Variants in RAB3GAP1 observed in about 807,000 individuals in gnomAD.
The protein encoded by RAB3GAP1 is rab3 GTPase-activating protein catalytic subunit.
A neutral mutation model predicts 130.7 loss-of-function variants in RAB3GAP1; 86 were observed. The observed-to-expected ratio is 0.66, with a 90% CI of 0.55 to 0.79. RAB3GAP1 has a LOEUF of 0.79. RAB3GAP1 is among the 30% of genes least tolerant of loss of function. RAB3GAP1 has a pLI of 0.00. For synonymous variants in RAB3GAP1, 367 were observed against 401.7 expected (o/e 0.91, Z 1.03); for missense variants, 1,029 against 1,169.4 (o/e 0.88, Z 1.75).
intron 5 of RAB3GAP1, among the ~76,000 whole-genome samples, chr2:135,112,593 C>G (rs1301643667): frequency 6.6e-6 from 1 of 152,182 alleles, no homozygotes; most frequent in Non-Finnish European, 1.5e-5. Context: ...CCACCAGACA[C>G]TTCTCCCACC....
intron 3 of RAB3GAP1, among the ~76,000 whole-genome samples, chr2:135,067,609 T>G (rs1689358023): frequency 6.6e-6 from 1 of 152,248 alleles, no homozygotes; most frequent in African/African-American, 2.4e-5. Context: ...ATGAAGAGTA[T>G]GCACTTCAAA....
intron 3 of RAB3GAP1, among the ~76,000 whole-genome samples, chr2:135,064,906 C>T (rs1359961221): frequency 6.7e-6 from 1 of 149,106 alleles, no homozygotes; most frequent in African/African-American, 2.5e-5. Context: ...TTGTGTTCCT[C>T]TGAAGAGTAT....
intron 3 of RAB3GAP1, among the ~76,000 whole-genome samples, chr2:135,062,034 C>CT (rs577968391): frequency 3.8e-4 from 57 of 148,500 alleles, no homozygotes; most frequent in East Asian, 1.4e-3. Flanking sequence ...TTGTCTTTTT[C>CT]TTTTTTTTTT....
intron 2 of RAB3GAP1, among the ~76,000 whole-genome samples, chr2:135,054,453 C>T (rs531076606): frequency 6.6e-6 from 1 of 152,124 alleles, no homozygotes; most frequent in Non-Finnish European, 1.5e-5. Flanking sequence ...ACAAAGGGAA[C>T]CTAGAAGGGA....
At position 135,130,694 on chromosome 2, in the gene RAB3GAP1, T is replaced by G; in HGVS notation, c.1209T>G (p.Asn403Lys). ...KHRGVEESPL[N>K]NDVLNTILLF... ...GAGGTGTAGAGGAGTCACCGCTAAA[T>G]AATGATGTTCTTAATACTATTCTCC... is the stretch of plus-strand genomic sequence containing the variant. Residue 403 changes from asparagine to lysine, a missense_variant, in exon 13 of 24, where the codon AAT becomes AAG. By Grantham distance (94) the Asn-to-Lys change is moderately conservative. Around this residue, in one of 3 missense-constraint regions of RAB3GAP1, gnomAD observed 510 missense variants for 532.1 expected, o/e 0.96. Transcript: ENST00000264158. 1 of 1,613,640 alleles carries G rather than the reference T, an allele frequency of 6.2e-7. No individual in the cohort carries two copies.
rs1043765214 is a variant in RAB3GAP1 at position 135,105,101 on chromosome 2, C to G, written c.363-8050C>G. Among the ~76,000 whole-genome samples the G allele has an allele frequency of 1.6e-4, 24 of 152,128 alleles. 1 individual carries two copies. The highest frequency in any genetic ancestry group is 5.3e-4 in the African/African-American group (22 of 41,434). ...ACTTCTGAGATCTGTGGGTCAGTGTCAAGTGTTCCAAAGCATGCATGTAAT... is the reference window on the plus strand; with the variant it reads ...ACTTCTGAGATCTGTGGGTCAGTGTGAAGTGTTCCAAAGCATGCATGTAAT... On this transcript the variant is annotated intron_variant, in intron 5 of 23. Coordinates refer to ENST00000264158, the MANE Select transcript of RAB3GAP1 (RefSeq NM_012233.3).
chr2:135,061,355 C>G (rs1474508589), intron 3 of RAB3GAP1, among the ~76,000 whole-genome samples: 1 of 152,114 alleles, frequency 6.6e-6, no homozygotes, highest in African/African-American at 2.4e-5. Context: ...TAAGAAACAG[C>G]TAGAGCTTTT....
chr2:135,153,687 G>A lies in RAB3GAP1; in HGVS notation c.2100G>A (p.Arg700=). 6.2e-7 allele frequency: 1 copy of A among 1,614,012 alleles called. No individual in the cohort carries two copies. The highest frequency in any genetic ancestry group is 8.5e-7 in the Non-Finnish European group (1 of 1,179,932). ...NPGCSLEDFV[R]WYSPRDYIEE... ...GTTGCTCCCTGGAAGATTTTGTGAG[G>A]TGGTATTCACCCCGGGATTATATTG... Residue 700 remains arginine (R), a synonymous_variant, in exon 19 of 24, where the codon AGG becomes AGA. Transcript: ENST00000264158.
At position 135,153,707 on chromosome 2, in the gene RAB3GAP1, A is replaced by T. The variant is rs1220889233; in HGVS notation, c.2120A>T (p.Tyr707Phe). 1.9e-6 allele frequency: 3 copies of T among 1,613,902 alleles called. No homozygotes were observed. The highest frequency in any genetic ancestry group is 2.5e-6 in the Non-Finnish European group (3 of 1,179,948). The change falls in exon 19 of 24, where the codon TAT becomes TTT. Residue 707 changes from tyrosine to phenylalanine, a missense_variant. Transcript: ENST00000264158. ...DFVRWYSPRD[Y>F]IEEEVIDEKG... ...GTGAGGTGGTATTCACCCCGGGATT[A>T]TATTGAAGAGGAGGTGATTGATGAA...
chr2:135,153,184 A>C (rs1692221851), intron 18 of RAB3GAP1, among the ~76,000 whole-genome samples: 2 of 152,126 alleles, frequency 1.3e-5, no homozygotes, highest in South Asian at 4.1e-4. Context: ...TCACTGTGTT[A>C]TTCTGATCAT....
intron 19 of RAB3GAP1, among the ~76,000 whole-genome samples, chr2:135,155,750 A>G (rs1692293194): frequency 6.6e-6 from 1 of 152,198 alleles, no homozygotes; most frequent in African/African-American, 2.4e-5. Context: ...GCCCTGTATC[A>G]GTAAAAACAA....
At chr2:135,108,005 A>T (rs1433475847) in intron 5 of RAB3GAP1, among the ~76,000 whole-genome samples, 2 of 148,302 alleles carry the variant, frequency 1.3e-5, no homozygotes, top group Non-Finnish European at 3.0e-5. Context: ...AAAAAAAACT[A>T]CACAAAATAA....
intron 22 of RAB3GAP1, 46 bp from the exon 23 acceptor site, chr2:135,164,548 G>A: frequency 4.8e-6 from 7 of 1,469,364 alleles, no homozygotes; most frequent in Non-Finnish European, 6.7e-6. Flanking sequence ...CCAGTGGCCT[G>A]GACAGCTCAC....
intron 5 of RAB3GAP1, among the ~76,000 whole-genome samples, chr2:135,106,139 G>T (rs895006837): frequency 1.3e-5 from 2 of 151,616 alleles, no homozygotes; most frequent in Admixed American, 1.3e-4. Flanking sequence ...TCCAGGAGGT[G>T]GGGGGTGCCT....
At chr2:135,078,081 G>T (rs1205351143) in intron 3 of RAB3GAP1, among the ~76,000 whole-genome samples, 1 of 152,056 alleles carries the variant, frequency 6.6e-6, no homozygotes, top group African/African-American at 2.4e-5. Flanking sequence ...TTTGTTGCCT[G>T]TGCTTTTGGT....
intron 18 of RAB3GAP1, 26 bp downstream of exon 18, chr2:135,150,532 G>C: frequency 6.2e-7 from 1 of 1,613,186 alleles, no homozygotes; most frequent in East Asian, 2.2e-5. Flanking sequence ...AGAGCTCTGG[G>C]GTCTATTTTG....
intron 3 of RAB3GAP1, among the ~76,000 whole-genome samples, chr2:135,087,267 TTGTC>T (rs1173867369): frequency 2.0e-5 from 3 of 152,214 alleles, no homozygotes; most frequent in Non-Finnish European, 4.4e-5. Context: ...ATTGATCTGT[TTGTC>T]TGTCTTTATG....
chr2:135,098,836 C>T (rs1387287107), intron 5 of RAB3GAP1, among the ~76,000 whole-genome samples: 1 of 152,012 alleles, frequency 6.6e-6, no homozygotes, highest in Non-Finnish European at 1.5e-5. Flanking sequence ...TCCAGTTGTT[C>T]GTTTCTAGTA....
chr2:135,130,596 G>T lies in RAB3GAP1; in HGVS notation c.1111G>T (p.Ala371Ser). The T allele has an allele frequency of 3.1e-6, 5 of 1,613,696 alleles. No homozygotes were observed. The highest frequency in any genetic ancestry group is 4.2e-6 in the Non-Finnish European group (5 of 1,179,818). The change falls in exon 13 of 24, where the codon GCA becomes TCA. Residue 371 changes from alanine (A) to serine (S), a missense_variant. This residue lies in a region of RAB3GAP1 where 510 missense variants were observed against 532.1 expected (regional missense o/e 0.96). Transcript: ENST00000264158. ...THALSKLTEP[A>S]SVPIHKLSVS... ...TGCTTTGTCAAAATTGACAGAGCCG[G>T]CATCAGTTCCAATTCATAAATTATC...
Sources: gnomAD v4.1 joint callset for allele counts (sites outside exome capture counted in the v4.1 genomes callset) on GRCh38, gnomAD v4.1.1 for gene constraint, gnomAD v4.1.1 regional missense constraint, MANE v1.5 for transcripts, NCBI Gene and HGNC (gene_info 2026-07-23, HGNC 2026-07-21) for gene names.